The following TSNARE1 variants were observed in gnomAD, a reference collection of about 807,000 sequenced individuals.
TSNARE1 encodes t-SNARE domain-containing protein 1.
In TSNARE1, 49 loss-of-function variants were observed where a neutral mutation model predicts 62.0. The observed-to-expected ratio is 0.79, with a 90% confidence interval of 0.63 to 1.00. TSNARE1 has a LOEUF of 1.00. Ranked by LOEUF, TSNARE1 falls within the 50% of genes least tolerant of loss-of-function variation. The probability of loss-of-function intolerance (pLI) is 0.00; values close to 1 mark genes in which losing one functional copy is unlikely to be tolerated. For missense variants in TSNARE1, 755 were observed against 700.1 expected, an observed-to-expected ratio of 1.08 and a Z score of -0.88; for synonymous variants, 328 against 294.4, an observed-to-expected ratio of 1.11 and a Z score of -1.17.
chr8:142,361,429 G>A (rs564468890), intron 1 of TSNARE1, among the ~76,000 whole-genome samples: 39 of 152,232 alleles, frequency 2.6e-4, no homozygotes, highest in Non-Finnish European at 4.1e-4. Context: ...CCGCCAACCA[G>A]GACACACGGC....
At chr8:142,304,103 A>G (rs1826242662) in intron 9 of TSNARE1, among the ~76,000 whole-genome samples, 1 of 152,262 alleles carries the variant, frequency 6.6e-6, no homozygotes, top group Admixed American at 6.5e-5. Context: ...TAAATAAATA[A>G]ATATGTGGAT....
At chr8:142,371,608 C>T (rs1198384238) in intron 1 of TSNARE1, among the ~76,000 whole-genome samples, 2 of 152,150 alleles carry the variant, frequency 1.3e-5, no homozygotes, top group Non-Finnish European at 1.5e-5. Context: ...GAGGAGGTAT[C>T]GGGCTGTAAA....
chr8:142,320,304 G>A (rs532010541), intron 6 of TSNARE1, among the ~76,000 whole-genome samples: 5 of 152,186 alleles, frequency 3.3e-5, no homozygotes, highest in East Asian at 1.9e-4. Context: ...AAGCCCACGC[G>A]GGTGGCCTCC....
At chr8:142,299,470 G>A (rs1477324012) in intron 10 of TSNARE1, among the ~76,000 whole-genome samples, 4 of 152,228 alleles carry the variant, frequency 2.6e-5, no homozygotes, top group African/African-American at 7.2e-5. Flanking sequence ...GGTGGCCAGA[G>A]GAAGGGAAGG....
chr8:142,249,994 G>C (rs1311424451), intron 12 of TSNARE1, among the ~76,000 whole-genome samples: 5 of 152,208 alleles, frequency 3.3e-5, no homozygotes, highest in Non-Finnish European at 7.3e-5. Context: ...GGGGCCGGGG[G>C]ATGCCGAGCT....
Position 142,318,629 on chromosome 8 carries a change from G to C in TSNARE1, c.899C>G (p.Thr300Arg). The change falls in exon 7 of 14, where the codon ACG (threonine) becomes AGG (arginine). Residue 300 changes from threonine to arginine, a missense_variant. Coordinates refer to ENST00000524325, the MANE Select transcript of TSNARE1 (RefSeq NM_145003.5). ...DTQELRDSLH[T>R]AQQETNKTIA... ...GGTCTTGTTGGTCTCCTGCTGTGCC[G>C]TGTGCCTGGGGGCCGAGAAGGAGCC... The C allele has an allele frequency of 6.2e-7, 1 of 1,613,652 alleles. No individual in the cohort carries two copies.
chr8:142,364,327 TGGA>T (rs1415952519), intron 1 of TSNARE1, among the ~76,000 whole-genome samples: 3 of 152,208 alleles, frequency 2.0e-5, no homozygotes, highest in Admixed American at 6.5e-5. Flanking sequence ...GATTAGAACT[TGGA>T]GGAGTCAGCG....
At chr8:142,315,143 G>A (rs755496017) in intron 7 of TSNARE1, 51 bp from the exon 8 acceptor site, 10 of 1,592,734 alleles carry the variant, frequency 6.3e-6, no homozygotes, top group African/African-American at 1.3e-5. Context: ...CCCTGCCCCA[G>A]CAGCCCCCAC....
At chr8:142,345,069 T>C (rs1833173853) in intron 3 of TSNARE1, among the ~76,000 whole-genome samples, 1 of 152,174 alleles carries the variant, frequency 6.6e-6, no homozygotes, top group South Asian at 2.1e-4. Context: ...CTCACCCCCC[T>C]ACCATCCTGT....
At chr8:142,301,203 T>A (rs1274804955) in intron 9 of TSNARE1, among the ~76,000 whole-genome samples, 1 of 103,734 alleles carries the variant, frequency 9.6e-6, no homozygotes, top group Non-Finnish European at 2.0e-5. Flanking sequence ...TCCCCTCCCG[T>A]CAGGAGCCCG....
At chr8:142,401,116 G>A (rs1838260956) in intron 1 of TSNARE1, among the ~76,000 whole-genome samples, 1 of 152,186 alleles carries the variant, frequency 6.6e-6, no homozygotes, top group Non-Finnish European at 1.5e-5. Flanking sequence ...CCGCCCACCT[G>A]GAAGGTGACT....
At chr8:142,357,274 T>C (rs1486352979) in intron 1 of TSNARE1, among the ~76,000 whole-genome samples, 1 of 152,208 alleles carries the variant, frequency 6.6e-6, no homozygotes, top group Non-Finnish European at 1.5e-5. Flanking sequence ...GGGTGAGGGC[T>C]GCTGCACAGG....
At chr8:142,212,977 GCTC>G (rs1320591202) in intron 13 of TSNARE1, among the ~76,000 whole-genome samples, 11 of 38,370 alleles carry the variant, frequency 2.9e-4, no homozygotes, top group African/African-American at 1.2e-3. Flanking sequence ...CTCCCCCTCT[GCTC>G]CTTCTCTCCA....
At chr8:142,365,940 G>A (rs1835519127) in intron 1 of TSNARE1, 1 of 449,798 alleles carries the variant, frequency 2.2e-6, no homozygotes, top group Non-Finnish European at 4.4e-6. Context: ...ACTCAAGACT[G>A]TGCAGCTACA....
rs758146108 is a variant in TSNARE1 at position 142,300,547 on chromosome 8, T to G, written c.1229A>C (p.Asp410Ala). The G allele has an allele frequency of 1.9e-5, 30 of 1,612,386 alleles. No individual in the cohort carries two copies. The highest frequency in any genetic ancestry group is 2.5e-5 in the Non-Finnish European group (29 of 1,179,976). The change falls in exon 10 of 14, where the codon GAC (aspartate) becomes GCC (alanine). Residue 410 changes from aspartate to alanine, a missense_variant. Transcript: ENST00000524325. ...GGCCTCCAGGTCCTCTTCAGTGATG[T>G]CCGGGAGCAGCGCCTGCTCCTGGCC... ...WQGQEQALLP[D>A]ITEEDLEAIR...
chr8:142,334,823 C>T (rs751070879), intron 4 of TSNARE1, among the ~76,000 whole-genome samples: 8 of 152,132 alleles, frequency 5.3e-5, no homozygotes, highest in Admixed American at 6.5e-5. Flanking sequence ...GAAAAACCTG[C>T]AACTAGAATT....
rs1816954765 is a variant in TSNARE1, at chr8:142,228,805, A to G, written c.*11+668T>C. Among the ~76,000 whole-genome samples the G allele has an allele frequency of 2.6e-5, 4 of 152,240 alleles. No homozygotes were observed. The South Asian group carries it at 8.3e-4, about 32-fold the overall frequency. On this transcript the variant is annotated intron_variant, in intron 13 of 13. Transcript: ENST00000524325. ...AATGGATGCAAGGAAGGAAGGATGG[A>G]AAGATGGATGATGGGTGGATAGGTG...
At chr8:142,278,640 C>A in intron 11 of TSNARE1, 5 of 985,470 alleles carry the variant, frequency 5.1e-6, no homozygotes, top group Non-Finnish European at 6.0e-6. Flanking sequence ...CCAGCGTCAC[C>A]CTTGGAGCCA....
intron 10 of TSNARE1, among the ~76,000 whole-genome samples, chr8:142,286,901 G>C (rs1043244166): frequency 6.6e-6 from 1 of 152,196 alleles, no homozygotes; most frequent in South Asian, 2.1e-4. Flanking sequence ...CCTTCCCAAG[G>C]GCTTCACAGG....
Sources: gnomAD v4.1 joint callset for allele counts (sites outside exome capture counted in the v4.1 genomes callset) on GRCh38, gnomAD v4.1.1 for gene constraint, MANE v1.5 for transcripts, NCBI Gene and HGNC (gene_info 2026-07-23, HGNC 2026-07-21) for gene names.